The following MTMR14 variants were observed in gnomAD, a reference collection of about 807,000 sequenced individuals.
MTMR14 encodes the protein phosphatidylinositol-3,5-bisphosphate 3-phosphatase MTMR14.
In MTMR14, 48 loss-of-function variants were observed where a neutral mutation model predicts 86.3. The observed-to-expected ratio is 0.56, with a 90% CI of 0.44 to 0.71. The LOEUF is 0.71. Ranked by LOEUF, MTMR14 falls within the 30% of genes least tolerant of loss-of-function variation. The probability of loss-of-function intolerance (pLI) is 0.00; values close to 1 mark genes in which losing one functional copy is unlikely to be tolerated. For missense variants in MTMR14, 780 were observed against 834.6 expected (o/e 0.93, Z 0.81); for synonymous variants, 366 against 326.1 (o/e 1.12, Z -1.32).
chr3:9,683,654 G>T (rs2075843586), intron 10 of MTMR14: 1 of 204,660 alleles, frequency 4.9e-6, no homozygotes, highest in African/African-American at 2.3e-5. Flanking sequence ...ACCCAGTTTG[G>T]CTGTTTTGAT....
At chr3:9,668,889 CA>C (rs2048408668) in intron 4 of MTMR14, 95 bp downstream of exon 4, 1 of 1,323,260 alleles carries the variant, frequency 7.6e-7, no homozygotes. Flanking sequence ...CCTGTAATCT[CA>C]ACACTTTGGG....
intron 17 of MTMR14, among the ~76,000 whole-genome samples, chr3:9,697,050 A>G (rs1383730527): frequency 6.6e-6 from 1 of 152,174 alleles, no homozygotes; most frequent in Non-Finnish European, 1.5e-5. Flanking sequence ...AGAAGGCCTG[A>G]GGAAGCTGTC....
In MTMR14 at chr3:9,677,305, C is replaced by T. The variant is rs952243914; in HGVS notation, c.752-12C>T. ...GGAAGGGAGATGTCATAACTCTGCC[C>T]TTCTTTTCCAGGCTGTGAATTTTTC... is the stretch of plus-strand genomic sequence containing the variant. On this transcript the variant is annotated splice_polypyrimidine_tract_variant and intron_variant, in intron 7 of 18. Coordinates refer to ENST00000296003, the MANE Select transcript of MTMR14 (RefSeq NM_001077525.3). This position sits in a 1 kb window ranked among gnomAD's most constrained non-coding sequence, Gnocchi z 4.2. 8.7e-6 allele frequency: 14 copies of T among 1,613,748 alleles called. No homozygotes were observed. The highest frequency in any genetic ancestry group is 1.2e-5 in the Non-Finnish European group (14 of 1,179,696).
Position 9,649,519 on chromosome 3 carries a change from G to A in MTMR14, c.-65G>A. 6.7e-7 allele frequency: 1 copy of A among 1,490,860 alleles called. No individual in the cohort carries two copies. The allele number at this position is 1,490,860 out of a possible 1,614,324, so 92.4% of individuals were successfully genotyped here. A position where few individuals can be genotyped will look rare whatever the true frequency, so the allele number is the denominator to read the frequency against. On this transcript the variant is annotated 5_prime_UTR_variant, in exon 1 of 19. Coordinates refer to ENST00000296003, the MANE Select transcript of MTMR14 (RefSeq NM_001077525.3). Reference sequence around the variant, plus strand: ...GGCGGTTCCGGAGGTTCTAGTGTCGGAGTTGGGTGCAGGCAGGTGCCATGG... The same window carrying A: ...GGCGGTTCCGGAGGTTCTAGTGTCGAAGTTGGGTGCAGGCAGGTGCCATGG...
intron 9 of MTMR14, among the ~76,000 whole-genome samples, chr3:9,680,247 C>G (rs922552069): frequency 4.6e-5 from 7 of 152,160 alleles, no homozygotes; most frequent in African/African-American, 1.7e-4. Context: ...CATCGGTTCT[C>G]TAGTCTCTGC....
chr3:9,674,623 CA>C (rs1402399602), intron 7 of MTMR14, among the ~76,000 whole-genome samples: 2 of 151,362 alleles, frequency 1.3e-5, no homozygotes, highest in Non-Finnish European at 2.9e-5. Flanking sequence ...CTGTCTCTAC[CA>C]AAAATAAAAA....
intron 10 of MTMR14, 100 bp from the exon 11 acceptor site, chr3:9,684,485 G>A: frequency 1.8e-6 from 2 of 1,088,142 alleles, no homozygotes; most frequent in East Asian, 2.4e-5. Flanking sequence ...GAAGCTGGTG[G>A]GGCCTGGCTC....
chr3:9,653,827 G>A, intron 2 of MTMR14, 58 bp downstream of exon 2: 9 of 1,610,842 alleles, frequency 5.6e-6, no homozygotes, highest in Non-Finnish European at 7.6e-6. Context: ...GCTAATCCCT[G>A]TGGCCAGGAA....
rs1262211537 is a variant in MTMR14, at chr3:9,662,291, C to G, written c.333C>G (p.Ser111Arg). ...KDTFESTVQV[S>R]KLQDLIHRSK... ...GGTTTGAGAGTACCGTACAGGTGAGCAAGTTGCAAGACCTCATCCACCGCA... is the reference window on the plus strand; with the variant it reads ...GGTTTGAGAGTACCGTACAGGTGAGGAAGTTGCAAGACCTCATCCACCGCA... The change falls in exon 3 of 19, where the codon AGC becomes AGG. Residue 111 changes from serine to arginine, a missense_variant. Physicochemically the swap from Ser to Arg is moderately radical, Grantham distance 110 (BLOSUM62 -1). Transcript: ENST00000296003. 3 of 1,613,174 alleles carry G rather than the reference C, an allele frequency of 1.9e-6. No individual in the cohort carries two copies. The Admixed American group carries it at 5.0e-5, about 27-fold the overall frequency.
intron 17 of MTMR14, among the ~76,000 whole-genome samples, chr3:9,695,090 C>G (rs979862525): frequency 6.6e-6 from 1 of 152,168 alleles, no homozygotes; most frequent in Non-Finnish European, 1.5e-5. Context: ...GTTTGCTGCT[C>G]AGGGCAAAAG....
chr3:9,677,945 T>C lies in MTMR14; in HGVS notation c.823-39T>C, dbSNP rs1261960515. 1 of 1,604,588 alleles carries C rather than the reference T, an allele frequency of 6.2e-7. No homozygotes were observed. Among genetic ancestry groups the C allele is most frequent in the Non-Finnish European group, 8.5e-7 (1 of 1,172,136 alleles). On this transcript the variant is annotated intron_variant, in intron 8 of 18. Transcript: ENST00000296003. This position sits in a 1 kb window ranked among gnomAD's most constrained non-coding sequence, Gnocchi z 4.2. ...TCCCCATCACCTAAGCCTCCTCTGG[T>C]GGCCAACCCACATCTCACAGGAGTC...
chr3:9,690,301 G>T (rs2076099063), intron 17 of MTMR14, among the ~76,000 whole-genome samples, 158 bp downstream of exon 17: 1 of 152,224 alleles, frequency 6.6e-6, no homozygotes, highest in South Asian at 2.1e-4. Context: ...TGGTAATAAA[G>T]CAAGGGCTGA....
At chr3:9,697,123 C>G (rs1339520432) in intron 17 of MTMR14, among the ~76,000 whole-genome samples, 1 of 152,164 alleles carries the variant, frequency 6.6e-6, no homozygotes. Flanking sequence ...TGGGCTGATG[C>G]TTCTGAATAC....
intron 1 of MTMR14, among the ~76,000 whole-genome samples, chr3:9,651,977 G>A (rs1270929938): frequency 2.6e-5 from 4 of 152,044 alleles, no homozygotes; most frequent in African/African-American, 9.7e-5. Flanking sequence ...GAGTACAGGC[G>A]CCCGCCACCA....
chr3:9,697,123 C>A (rs1339520432), intron 17 of MTMR14, among the ~76,000 whole-genome samples: 2 of 152,164 alleles, frequency 1.3e-5, no homozygotes. Context: ...TGGGCTGATG[C>A]TTCTGAATAC....
chr3:9,679,714 G>A (rs541914384), intron 9 of MTMR14, among the ~76,000 whole-genome samples: 38 of 152,166 alleles, frequency 2.5e-4, no homozygotes, highest in Non-Finnish European at 4.0e-4. Context: ...TCAGAGTTGT[G>A]CCAGGCTCAA....
rs2075619680 is a variant in MTMR14 at position 9,677,425 on chromosome 3, T to C, written c.822+38T>C. On this transcript the variant is annotated intron_variant, in intron 8 of 18. Coordinates refer to ENST00000296003, the MANE Select transcript of MTMR14 (RefSeq NM_001077525.3). The surrounding 1 kb of genome is among the most constrained non-coding windows in gnomAD (Gnocchi z 4.2). ...ACATACATCAAATTGGATCTATGTCTCTTTGTAAAGGGAGGCCAAGGAGAA... is the reference window on the plus strand; with the variant it reads ...ACATACATCAAATTGGATCTATGTCCCTTTGTAAAGGGAGGCCAAGGAGAA... The C allele has an allele frequency of 6.3e-7, 1 of 1,581,094 alleles. No homozygotes were observed.
intron 17 of MTMR14, among the ~76,000 whole-genome samples, chr3:9,692,925 C>G (rs1184179301): frequency 6.6e-6 from 1 of 152,162 alleles, no homozygotes; most frequent in Non-Finnish European, 1.5e-5. Flanking sequence ...CCCTCAGAGC[C>G]CAGGATTCTA....
rs1035398499 is a variant in MTMR14 at position 9,701,676 on chromosome 3, G to A, written c.1770-114G>A. 3 of 1,231,142 alleles carry A rather than the reference G, an allele frequency of 2.4e-6. No homozygotes were observed. Among genetic ancestry groups the A allele is most frequent in the Non-Finnish European group, 3.5e-6 (3 of 851,916 alleles). 76.3% of individuals were successfully genotyped at this position (1,231,142 alleles called of 1,614,324 possible). On this transcript the variant is annotated intron_variant, in intron 18 of 18. Coordinates refer to ENST00000296003, the MANE Select transcript of MTMR14 (RefSeq NM_001077525.3). The surrounding 1 kb of genome is among the most constrained non-coding windows in gnomAD (Gnocchi z 4.2). ...TAGCATGGCCGTAGGACAGACACTG[G>A]CCTTGTACAGTCAGAAGAAGCACAA...
Sources: allele counts gnomAD v4.1 joint callset (sites outside exome capture counted in the v4.1 genomes callset), GRCh38; gene constraint gnomAD v4.1.1; non-coding constraint Gnocchi (gnomAD v3.1); transcripts MANE v1.5; gene names NCBI Gene and HGNC (gene_info 2026-07-23, HGNC 2026-07-21).